Variants in TANC1 observed in about 807,000 individuals in gnomAD.
TANC1 encodes tetratricopeptide repeat, ankyrin repeat and coiled-coil containing 1, also known as protein TANC1.
A neutral mutation model predicts 149.7 loss-of-function variants in TANC1; 77 were observed. That is an observed-to-expected ratio of 0.51 (90% CI 0.43 to 0.62). The LOEUF (loss-of-function observed/expected upper bound fraction) is 0.62. Among genes scored for constraint, TANC1 ranks in the 20% least tolerant of loss-of-function variants. The pLI, the probability that TANC1 is intolerant of heterozygous loss-of-function variation, is 0.00. For synonymous variants in TANC1, 854 were observed against 925.0 expected (o/e 0.92, Z 1.39); for missense variants, 1,985 against 2,321.8 (o/e 0.85, Z 2.98).
chr2:159,069,041 G>A (rs943900751), intron 3 of TANC1, among the ~76,000 whole-genome samples: 2 of 152,102 alleles, frequency 1.3e-5, no homozygotes, highest in African/African-American at 2.4e-5. Flanking sequence ...GCGCCCAGCG[G>A]ATATTTGCAA....
At chr2:159,088,062 A>T (rs917661127) in intron 3 of TANC1, among the ~76,000 whole-genome samples, 1 of 151,472 alleles carries the variant, frequency 6.6e-6, no homozygotes, top group Non-Finnish European at 1.5e-5. Context: ...CTTGCCTGAT[A>T]CCTTGATGTT....
intron 5 of TANC1, among the ~76,000 whole-genome samples, chr2:159,144,237 G>A (rs1334827208): frequency 6.6e-6 from 1 of 152,112 alleles, no homozygotes; most frequent in Non-Finnish European, 1.5e-5. Context: ...GAAATAGTAA[G>A]TTTGGTGATA....
At chr2:159,025,150 TTC>T (rs764168321) in intron 2 of TANC1, among the ~76,000 whole-genome samples, 14 of 151,600 alleles carry the variant, frequency 9.2e-5, no homozygotes, top group Non-Finnish European at 1.5e-4. Flanking sequence ...TTTTCTTTCT[TTC>T]TCTTTCTCTT....
chr2:159,105,871 A>T (rs143167284), intron 4 of TANC1, among the ~76,000 whole-genome samples: 1 of 151,956 alleles, frequency 6.6e-6, no homozygotes, highest in South Asian at 2.1e-4. Flanking sequence ...TCTTTTGGAA[A>T]TTCTTTGTGA....
At chr2:159,190,703 CACCGCA>C (rs1050224496) in intron 16 of TANC1, among the ~76,000 whole-genome samples, 33 of 152,272 alleles carry the variant, frequency 2.2e-4, no homozygotes, top group African/African-American at 7.7e-4. Flanking sequence ...AGGCGTGTGC[CACCGCA>C]ACCAGCTAAT....
In TANC1 at chr2:159,219,775, T is replaced by C; in HGVS notation, c.3586T>C (p.Tyr1196His). Residue 1196 changes from tyrosine (Y) to histidine (H), a missense_variant, in exon 22 of 27, where the codon TAT (tyrosine) becomes CAT (histidine). Tyr to His is a moderately conservative substitution (Grantham distance 83). This residue lies in a region of TANC1 where 920 missense variants were observed against 994.7 expected (regional missense o/e 0.92). Coordinates refer to ENST00000263635, the MANE Select transcript of TANC1 (RefSeq NM_033394.3). ...CLKGHRAVVQ[Y>H]LVEEGAAIDQ... ...GAAAGGTCACAGGGCAGTGGTCCAG[T>C]ATCTGGTTGAAGAAGGAGCTGCAAT... 6.2e-7 allele frequency: 1 copy of C among 1,614,190 alleles called. No individual in the cohort carries two copies. Among genetic ancestry groups the C allele is most frequent in the South Asian group, 1.1e-5 (1 of 91,084 alleles).
At chr2:159,148,937 G>A in intron 5 of TANC1, 1 of 504,922 alleles carries the variant, frequency 2.0e-6, no homozygotes. Context: ...TGCACTTGGA[G>A]TTTTTGTTTT....
rs1350198780 is a variant in TANC1, at chr2:159,129,703, A to G, written c.260-6491A>G. Among the ~76,000 whole-genome samples the G allele has an allele frequency of 2.6e-5, 4 of 152,082 alleles. No homozygotes were observed. The South Asian group carries it at 8.3e-4, about 31-fold the overall frequency. Reference sequence around the variant, plus strand: ...TGAGATCCACCTTCTCCTGTATCACATAGTGGAGATTGTGAGGGGAGGGGC... The same window carrying G: ...TGAGATCCACCTTCTCCTGTATCACGTAGTGGAGATTGTGAGGGGAGGGGC... On this transcript the variant is annotated intron_variant, in intron 4 of 26. Coordinates refer to ENST00000263635, the MANE Select transcript of TANC1 (RefSeq NM_033394.3).
At chr2:159,118,554 C>T (rs1322333482) in intron 4 of TANC1, among the ~76,000 whole-genome samples, 1 of 152,190 alleles carries the variant, frequency 6.6e-6, no homozygotes, top group East Asian at 1.9e-4. Context: ...CTCTCAGGTG[C>T]AGTCAGAGTC....
At position 159,232,390 on chromosome 2, in the gene TANC1, G is replaced by A. The variant is rs1212428239; in HGVS notation, c.*1378G>A. 1 of 152,596 alleles carries A rather than the reference G, an allele frequency of 6.6e-6. No individual in the cohort carries two copies. The highest frequency in any genetic ancestry group is 1.5e-5 in the Non-Finnish European group (1 of 68,014). The allele number at this position is 152,596 out of a possible 1,614,324, so 9.5% of individuals were successfully genotyped here. A position where few individuals can be genotyped will look rare whatever the true frequency, so the allele number is the denominator to read the frequency against. On this transcript the variant is annotated 3_prime_UTR_variant, in exon 27 of 27. Coordinates refer to ENST00000263635, the MANE Select transcript of TANC1 (RefSeq NM_033394.3). ...TTATATATTTGCAGAATGTTTTAAA[G>A]TGAATTGTTGTAATGAAGTTCCTGT... is the stretch of plus-strand genomic sequence containing the variant.
chr2:158,998,386 A>G (rs1214761799), intron 1 of TANC1, among the ~76,000 whole-genome samples: 1 of 152,206 alleles, frequency 6.6e-6, no homozygotes, highest in Non-Finnish European at 1.5e-5. Context: ...AAAGTATTTC[A>G]AAGTAAATTG....
chr2:159,190,708 C>T (rs1486346197), intron 16 of TANC1, among the ~76,000 whole-genome samples: 1 of 151,992 alleles, frequency 6.6e-6, no homozygotes, highest in Non-Finnish European at 1.5e-5. Flanking sequence ...TGTGCCACCG[C>T]AACCAGCTAA....
At chr2:159,127,811 G>A (rs575679782) in intron 4 of TANC1, among the ~76,000 whole-genome samples, 49 of 152,302 alleles carry the variant, frequency 3.2e-4, no homozygotes, top group Non-Finnish European at 6.3e-4. Context: ...CCATTGCCAT[G>A]TTTACCTATG....
rs561700542 is a variant in TANC1 at position 159,044,673 on chromosome 2, A to G, written c.-15-21223A>G. 2.0e-5 allele frequency among the ~76,000 whole-genome samples: 3 copies of G among 152,256 alleles called. No homozygotes were observed. In the East Asian group the frequency reaches 5.8e-4, roughly 29 times the overall value. On this transcript the variant is annotated intron_variant, in intron 2 of 26. Coordinates refer to ENST00000263635, the MANE Select transcript of TANC1 (RefSeq NM_033394.3). ...GCTGTGCACAGTGGAGGCAGCAAGCAGGAGTCCCCAAGACATCCAGGACCA... is the reference window on the plus strand; with the variant it reads ...GCTGTGCACAGTGGAGGCAGCAAGCGGGAGTCCCCAAGACATCCAGGACCA...
chr2:158,981,530 TATATATATATATAA>T lies in TANC1; in HGVS notation c.-126+12750_-126+12763del, dbSNP rs1184343633. ...ATATATATATATATATATATATATATATATATATATATAAAGAAGTAACAGCTTAGAGTTTAAAA... is the reference window on the plus strand; with the variant it reads ...ATATATATATATATATATATATATATAGAAGTAACAGCTTAGAGTTTAAAA... On this transcript the variant is annotated intron_variant, in intron 1 of 26. Coordinates refer to ENST00000263635, the MANE Select transcript of TANC1 (RefSeq NM_033394.3). 1.7e-3 allele frequency among the ~76,000 whole-genome samples: 194 copies of T among 111,924 alleles called. 3 individuals are homozygous for T. Among genetic ancestry groups the T allele is most frequent in the Middle Eastern group, 4.6e-3 (1 of 218 alleles). The allele number at this position is 111,924 out of a possible 152,430, so 73.4% of individuals were successfully genotyped here. A position where few individuals can be genotyped will look rare whatever the true frequency, so the allele number is the denominator to read the frequency against.
chr2:159,117,537 A>G (rs2048388206), intron 4 of TANC1, among the ~76,000 whole-genome samples: 1 of 151,894 alleles, frequency 6.6e-6, no homozygotes. Flanking sequence ...CTGTGACTAC[A>G]GGTGCCCGCC....
In TANC1 at chr2:159,227,432, A is replaced by G. The variant is rs145130822; in HGVS notation, c.3904-387A>G. On this transcript the variant is annotated intron_variant, in intron 24 of 26. Transcript: ENST00000263635. The stretch of plus-strand genomic sequence containing the variant: ...TGCTACTTGTCCTAGGAATAGGATC[A>G]GTTTTTCATCTGATTTCTATTACAC... 938 of 183,606 alleles carry G rather than the reference A, an allele frequency of 5.1e-3. 2 individuals carry two copies. Among genetic ancestry groups the G allele is most frequent in the Non-Finnish European group, 7.4e-3 (658 of 89,216 alleles). 11.4% of individuals were successfully genotyped at this position (183,606 alleles called of 1,614,324 possible). A position where few individuals can be genotyped will look rare whatever the true frequency, so the allele number is the denominator to read the frequency against.
Position 159,228,880 on chromosome 2 carries a change from G to A in TANC1, c.4135G>A (p.Ala1379Thr), listed in dbSNP as rs1161704081. ...SYEAFYARARAKRNSRQFVAA... is the reference protein window; with the variant it reads ...SYEAFYARARTKRNSRQFVAA... Reference sequence around the variant, plus strand: ...TGAAGCCTTTTATGCCAGAGCAAGAGCGAAGAGAAATAGCAGGTACCGTCT... The same window carrying A: ...TGAAGCCTTTTATGCCAGAGCAAGAACGAAGAGAAATAGCAGGTACCGTCT... The change falls in exon 26 of 27, where the codon GCG becomes ACG. Residue 1379 changes from alanine to threonine, a missense_variant. Coordinates refer to ENST00000263635, the MANE Select transcript of TANC1 (RefSeq NM_033394.3). 1 of 1,613,926 alleles carries A rather than the reference G, an allele frequency of 6.2e-7. No homozygotes were observed. The highest frequency in any genetic ancestry group is 8.5e-7 in the Non-Finnish European group (1 of 1,179,876).
intron 3 of TANC1, among the ~76,000 whole-genome samples, chr2:159,069,840 C>T (rs948765990): frequency 1.4e-5 from 2 of 146,654 alleles, no homozygotes; most frequent in African/African-American, 5.1e-5. Context: ...GTGATCTCGG[C>T]TCACTGCATC....
Sources: gnomAD v4.1 joint callset for allele counts (sites outside exome capture counted in the v4.1 genomes callset) on GRCh38, gnomAD v4.1.1 for gene constraint, gnomAD v4.1.1 regional missense constraint, MANE v1.5 for transcripts, NCBI Gene and HGNC (gene_info 2026-07-23, HGNC 2026-07-21) for gene names.